Variants in CNTLN observed in about 807,000 individuals in gnomAD.
CNTLN encodes centlein, centrosomal protein.
CNTLN carries 212 observed loss-of-function variants against 180.0 expected under a neutral mutation model. That is an observed-to-expected ratio of 1.18 (90% CI 1.05 to 1.32). The LOEUF is 1.32. CNTLN is among the 40% of genes most tolerant of loss of function. The pLI, the probability that CNTLN is intolerant of heterozygous loss-of-function variation, is 0.00. For synonymous variants in CNTLN, 722 were observed against 563.1 expected, an observed-to-expected ratio of 1.28 and a Z score of -3.99; for missense variants, 2,095 against 1,610.9, an observed-to-expected ratio of 1.30 and a Z score of -5.14.
At chr9:17,371,276 A>G (rs1824294802) in intron 13 of CNTLN, among the ~76,000 whole-genome samples, 1 of 152,162 alleles carries the variant, frequency 6.6e-6, no homozygotes, top group Non-Finnish European at 1.5e-5. Flanking sequence ...AAACAAATGG[A>G]AAAAGATACT....
At chr9:17,151,421 T>TTGGTTCTGTTTATGTGA (rs1256348052) in intron 2 of CNTLN, among the ~76,000 whole-genome samples, 1 of 152,204 alleles carries the variant, frequency 6.6e-6, no homozygotes, top group Admixed American at 6.5e-5. Flanking sequence ...GTTTTTGTCA[T>TTGGTTCTGTTTATGTGA]TGGTTCTGTT....
intron 2 of CNTLN, among the ~76,000 whole-genome samples, chr9:17,161,545 A>G (rs903422886): frequency 6.6e-6 from 1 of 152,172 alleles, no homozygotes; most frequent in Non-Finnish European, 1.5e-5. Flanking sequence ...GAATTGTTCA[A>G]CTTTTCTTTG....
At chr9:17,474,858 A>G (rs1382847528) in intron 23 of CNTLN, among the ~76,000 whole-genome samples, 1 of 144,698 alleles carries the variant, frequency 6.9e-6, no homozygotes, top group East Asian at 2.0e-4. Flanking sequence ...ACAGAGTGAG[A>G]CTCCACCTCA....
At chr9:17,473,551 C>T (rs956714609) in intron 23 of CNTLN, among the ~76,000 whole-genome samples, 1 of 150,176 alleles carries the variant, frequency 6.7e-6, no homozygotes, top group African/African-American at 2.5e-5. Context: ...AATATTCCCT[C>T]TATATTGGAT....
At chr9:17,319,183 A>G (rs1214503776) in intron 8 of CNTLN, among the ~76,000 whole-genome samples, 1 of 152,234 alleles carries the variant, frequency 6.6e-6, no homozygotes. Context: ...GCACTGGCAT[A>G]GGCCCAGAGG....
intron 6 of CNTLN, among the ~76,000 whole-genome samples, chr9:17,296,262 A>C (rs997826083): frequency 1.3e-5 from 2 of 152,010 alleles, no homozygotes; most frequent in East Asian, 1.9e-4. Flanking sequence ...CAGGTGATCC[A>C]CCTGCCTCGG....
At chr9:17,198,301 T>A (rs919042847) in intron 2 of CNTLN, among the ~76,000 whole-genome samples, 5 of 152,066 alleles carry the variant, frequency 3.3e-5, no homozygotes, top group Non-Finnish European at 1.5e-5. Context: ...AGGGATTGCA[T>A]TGAATCTGTA....
chr9:17,263,058 A>T (rs1827126800), intron 5 of CNTLN, among the ~76,000 whole-genome samples: 1 of 151,228 alleles, frequency 6.6e-6, no homozygotes, highest in African/African-American at 2.5e-5. Context: ...TATTATTATT[A>T]TACTTTAAGT....
intron 18 of CNTLN, among the ~76,000 whole-genome samples, chr9:17,448,778 A>G (rs1247698352): frequency 6.6e-6 from 1 of 152,100 alleles, no homozygotes; most frequent in Admixed American, 6.6e-5. Flanking sequence ...TCTTACTGCC[A>G]CTCAACTCCA....
chr9:17,358,451 A>T (rs1257804762), intron 12 of CNTLN, among the ~76,000 whole-genome samples: 1 of 152,142 alleles, frequency 6.6e-6, no homozygotes, highest in Admixed American at 6.5e-5. Context: ...GTAGATGTAT[A>T]TGTAGACATA....
chr9:17,306,329 A>G (rs1818712815), intron 7 of CNTLN, among the ~76,000 whole-genome samples: 1 of 151,934 alleles, frequency 6.6e-6, no homozygotes, highest in South Asian at 2.1e-4. Flanking sequence ...TTGTATTTTT[A>G]GTAGAGACAG....
intron 6 of CNTLN, among the ~76,000 whole-genome samples, chr9:17,288,507 G>A (rs1236311914): frequency 1.4e-5 from 2 of 142,886 alleles, no homozygotes; most frequent in African/African-American, 5.6e-5. Context: ...GGAGAGTTCT[G>A]TAGATGTCTA....
At position 17,299,582 on chromosome 9, in the gene CNTLN, G is replaced by A. The variant is rs964661161; in HGVS notation, c.1146+1230G>A. ...TCAGTGTGTGTTTTGTGTTGCCTTT[G>A]TGTTTTCCCAAGGACCTAGATGATA... On this transcript the variant is annotated intron_variant, in intron 7 of 25. Transcript: ENST00000380647. The A allele has an allele frequency of 6.4e-5, 63 of 985,288 alleles. 1 individual carries two copies. In the African/African-American group the frequency reaches 1.0e-3, roughly 16 times the overall value. The allele number at this position is 985,288 out of a possible 1,614,324, so 61.0% of individuals were successfully genotyped here.
the CNTLN span, among the ~76,000 whole-genome samples, chr9:17,518,935 G>C: frequency 6.6e-6 from 1 of 152,014 alleles, no homozygotes; most frequent in African/African-American, 2.4e-5. Context: ...AGACTTGTTT[G>C]TTTAGTTTTT....
chr9:17,438,351 AC>A (rs1829902453), intron 18 of CNTLN, among the ~76,000 whole-genome samples: 4 of 152,324 alleles, frequency 2.6e-5, no homozygotes, highest in African/African-American at 9.6e-5. Flanking sequence ...TTTTTAAAAA[AC>A]AAGAGACTTT....
intron 2 of CNTLN, among the ~76,000 whole-genome samples, chr9:17,222,544 A>G (rs942825060): frequency 6.6e-6 from 1 of 151,684 alleles, no homozygotes. Flanking sequence ...CATCTTCCTC[A>G]TTTTCTCTTG....
intron 12 of CNTLN, among the ~76,000 whole-genome samples, chr9:17,348,406 G>C (rs1245257355): frequency 6.6e-6 from 1 of 152,148 alleles, no homozygotes; most frequent in Non-Finnish European, 1.5e-5. Flanking sequence ...GAAAAGATGG[G>C]AGACTTACTC....
intron 15 of CNTLN, among the ~76,000 whole-genome samples, chr9:17,405,097 C>A (rs1011983005): frequency 1.3e-5 from 2 of 151,726 alleles, no homozygotes; most frequent in Admixed American, 1.3e-4. Context: ...GATTCTCAGT[C>A]CTCACCTTAC....
At chr9:17,489,544 C>G (rs531336454) in intron 25 of CNTLN, among the ~76,000 whole-genome samples, 32 of 151,714 alleles carry the variant, frequency 2.1e-4, no homozygotes, top group Non-Finnish European at 3.8e-4. Flanking sequence ...TTTGATTGGG[C>G]CACAGAATTG....
Sources: gnomAD v4.1 joint callset for allele counts (sites outside exome capture counted in the v4.1 genomes callset) on GRCh38, gnomAD v4.1.1 for gene constraint, MANE v1.5 for transcripts, NCBI Gene and HGNC (gene_info 2026-07-23, HGNC 2026-07-21) for gene names.